The following LRMDA variants were observed in gnomAD, a reference collection of about 807,000 sequenced individuals.
The protein encoded by LRMDA is leucine rich melanocyte differentiation associated, also known as leucine-rich melanocyte differentiation-associated protein.
LRMDA carries 18 observed loss-of-function variants against 29.8 expected under a neutral mutation model. The ratio of observed to expected loss-of-function variants is 0.60; its 90% confidence interval spans 0.42 to 0.90. The LOEUF is 0.90. LRMDA is among the 40% of genes least tolerant of loss of function. LRMDA has a pLI of 0.00. For missense variants in LRMDA, 273 were observed against 273.9 expected, an observed-to-expected ratio of 1.00 and a Z score of 0.02; for synonymous variants, 125 against 109.4, an observed-to-expected ratio of 1.14 and a Z score of -0.89.
chr10:76,262,920 T>C (rs2132311161), intron 5 of LRMDA, among the ~76,000 whole-genome samples: 1 of 152,370 alleles, frequency 6.6e-6, no homozygotes, highest in South Asian at 2.1e-4. Context: ...TCTTAAGCCC[T>C]TGCTAACCAT....
chr10:75,586,361 TTTTTTTTTA>T (rs981598711), intron 2 of LRMDA, among the ~76,000 whole-genome samples: 42 of 135,638 alleles, frequency 3.1e-4, no homozygotes, highest in African/African-American at 1.0e-3. Flanking sequence ...TTTTTTTTTT[TTTTTTTTTA>T]AATTAGAGAC....
intron 6 of LRMDA, among the ~76,000 whole-genome samples, chr10:76,448,529 C>T (rs1842375133): frequency 6.6e-6 from 1 of 152,050 alleles, no homozygotes. Context: ...TATTTTCTCT[C>T]CAATTTTACC....
chr10:75,980,408 C>A (rs1348492131), intron 2 of LRMDA, among the ~76,000 whole-genome samples: 1 of 152,194 alleles, frequency 6.6e-6, no homozygotes, highest in Non-Finnish European at 1.5e-5. Flanking sequence ...AATCGCCTAC[C>A]AGGGGCCCTT....
At chr10:76,353,039 T>A (rs1321237505) in intron 6 of LRMDA, among the ~76,000 whole-genome samples, 1 of 152,134 alleles carries the variant, frequency 6.6e-6, no homozygotes, top group Non-Finnish European at 1.5e-5. Context: ...TGCCTTTCTT[T>A]CCTGTCTACA....
At chr10:75,965,571 T>G (rs1030015629) in intron 2 of LRMDA, among the ~76,000 whole-genome samples, 9 of 152,122 alleles carry the variant, frequency 5.9e-5, no homozygotes, top group Non-Finnish European at 1.2e-4. Context: ...ACTCCACTAG[T>G]GAATTTGAAG....
At chr10:76,398,683 G>A (rs200846098) in intron 6 of LRMDA, among the ~76,000 whole-genome samples, 111 of 152,302 alleles carry the variant, frequency 7.3e-4, no homozygotes, top group African/African-American at 2.5e-3. Flanking sequence ...ATTATGATAT[G>A]GATTGGCAAC....
chr10:76,401,718 G>C (rs1841850895), intron 6 of LRMDA, among the ~76,000 whole-genome samples: 1 of 152,168 alleles, frequency 6.6e-6, no homozygotes, highest in South Asian at 2.1e-4. Context: ...TTGCTGCATA[G>C]TCAGGAAGTA....
intron 2 of LRMDA, among the ~76,000 whole-genome samples, chr10:75,833,240 A>G (rs1049580508): frequency 3.3e-5 from 5 of 152,194 alleles, no homozygotes; most frequent in African/African-American, 1.2e-4. Flanking sequence ...GGATCACCTG[A>G]CTGGTACAAG....
intron 2 of LRMDA, among the ~76,000 whole-genome samples, chr10:75,691,093 TAC>T (rs1211715239): frequency 5.3e-5 from 4 of 75,974 alleles, no homozygotes; most frequent in Admixed American, 2.1e-4. Context: ...TATATCTATG[TAC>T]ATAGATATAT....
chr10:75,965,596 A>G (rs1367868820), intron 2 of LRMDA, among the ~76,000 whole-genome samples: 2 of 151,444 alleles, frequency 1.3e-5, no homozygotes, highest in Admixed American at 6.6e-5. Flanking sequence ...CTGTGAAAAG[A>G]AAAAAAAACC....
intron 2 of LRMDA, chr10:75,552,662 T>C (rs145873603): frequency 2.1e-4 from 73 of 354,656 alleles, no homozygotes; most frequent in African/African-American, 1.4e-3. Context: ...TCAAACTTTT[T>C]TTTTCTGCTT....
intron 5 of LRMDA, among the ~76,000 whole-genome samples, chr10:76,126,206 T>G (rs933599103): frequency 6.6e-6 from 1 of 152,210 alleles, no homozygotes; most frequent in African/African-American, 2.4e-5. Context: ...AGGTTGTTCA[T>G]GATGGAGCTG....
intron 2 of LRMDA, among the ~76,000 whole-genome samples, chr10:75,469,640 G>T (rs1341281138): frequency 1.3e-5 from 2 of 152,176 alleles, no homozygotes; most frequent in African/African-American, 4.8e-5. Context: ...GTATCAAGTG[G>T]TGGGCAGTGG....
intron 2 of LRMDA, among the ~76,000 whole-genome samples, chr10:75,988,893 T>C (rs187535084): frequency 1.4e-3 from 215 of 152,328 alleles, no homozygotes; most frequent in African/African-American, 5.0e-3. Flanking sequence ...CTTCTATTTC[T>C]ATTTCAGTAT....
chr10:76,241,623 G>A (rs1852279033), intron 5 of LRMDA, among the ~76,000 whole-genome samples: 1 of 152,174 alleles, frequency 6.6e-6, no homozygotes, highest in African/African-American at 2.4e-5. Context: ...GCGGAAGTGG[G>A]AGGCTGAGGG....
intron 5 of LRMDA, among the ~76,000 whole-genome samples, chr10:76,292,771 G>T (rs551892871): frequency 6.6e-6 from 1 of 151,696 alleles, no homozygotes; most frequent in Non-Finnish European, 1.5e-5. Context: ...CCAGAAAGCC[G>T]TGTGACAATT....
intron 2 of LRMDA, among the ~76,000 whole-genome samples, chr10:75,513,018 C>T (rs1384782563): frequency 6.6e-6 from 1 of 152,060 alleles, no homozygotes; most frequent in African/African-American, 2.4e-5. Flanking sequence ...TTAATTCCCT[C>T]CCTGTAGAGA....
intron 2 of LRMDA, among the ~76,000 whole-genome samples, chr10:75,508,315 C>T (rs1169512355): frequency 1.3e-5 from 2 of 152,104 alleles, no homozygotes; most frequent in Non-Finnish European, 2.9e-5. Context: ...GCACAGAGTA[C>T]GTGATAAATC....
At chr10:75,788,866 C>T (rs1004061191) in intron 2 of LRMDA, among the ~76,000 whole-genome samples, 1 of 152,216 alleles carries the variant, frequency 6.6e-6, no homozygotes, top group African/African-American at 2.4e-5. Flanking sequence ...ATCTGCTTCC[C>T]CTGTTTAGGT....
Sources: gnomAD v4.1 joint callset for allele counts (sites outside exome capture counted in the v4.1 genomes callset) on GRCh38, gnomAD v4.1.1 for gene constraint, MANE v1.5 for transcripts, NCBI Gene and HGNC (gene_info 2026-07-23, HGNC 2026-07-21) for gene names.